The following NAV2 variants were observed in gnomAD, a reference collection of about 807,000 sequenced individuals.
NAV2 encodes the protein helicase, APC down-regulated 1.
A neutral mutation model predicts 223.2 loss-of-function variants in NAV2; 54 were observed. That is an observed-to-expected ratio of 0.24 (90% confidence interval 0.19 to 0.30). The LOEUF is 0.30. NAV2 is among the 10% of genes least tolerant of loss of function. The probability of loss-of-function intolerance (pLI) is 1.00; values close to 1 mark genes in which losing one functional copy is unlikely to be tolerated. For synonymous variants in NAV2, 1,279 were observed against 1,239.3 expected, an observed-to-expected ratio of 1.03 and a Z score of -0.67; for missense variants, 2,806 against 3,147.5, an observed-to-expected ratio of 0.89 and a Z score of 2.60.
intron 1 of NAV2, among the ~76,000 whole-genome samples, chr11:19,491,999 G>T (rs191735524): frequency 6.6e-6 from 1 of 151,910 alleles, no homozygotes; most frequent in Non-Finnish European, 1.5e-5. Flanking sequence ...GAGAGATGGG[G>T]AAAGAGCCAT....
At chr11:19,458,775 G>A (rs1852048717) in intron 1 of NAV2, among the ~76,000 whole-genome samples, 1 of 152,224 alleles carries the variant, frequency 6.6e-6, no homozygotes, top group South Asian at 2.1e-4. Flanking sequence ...GCTAGCATGG[G>A]GTGCCCCTTG....
chr11:19,408,932 T>C (rs923168792), intron 1 of NAV2, among the ~76,000 whole-genome samples: 3 of 147,772 alleles, frequency 2.0e-5, no homozygotes, highest in Admixed American at 6.7e-5. Flanking sequence ...GAGAAGTGGA[T>C]AGAGTTCCCT....
chr11:19,946,347 T>C (rs920735177), intron 8 of NAV2, 54 bp from the exon 9 acceptor site: 4 of 1,506,826 alleles, frequency 2.7e-6, no homozygotes, highest in African/African-American at 2.8e-5. Context: ...GCTGCCCTTA[T>C]GAAGCTCATG....
chr11:19,634,917 G>T (rs1358196217), intron 1 of NAV2, among the ~76,000 whole-genome samples: 1 of 152,196 alleles, frequency 6.6e-6, no homozygotes, highest in African/African-American at 2.4e-5. Flanking sequence ...AGTATAGCTT[G>T]CAAAGACCTA....
Position 19,539,882 on chromosome 11 carries a change from G to A in NAV2, c.75+188855G>A, listed in dbSNP as rs568453673. On this transcript the variant is annotated intron_variant, in intron 1 of 37. Coordinates refer to the NAV2 transcript ENST00000360655. Reference sequence around the variant, plus strand: ...TCAGCTGATAATCAAACGAATGGCTGCATTGAGATAGGTCGTGGAGGGGGA... The same window carrying A: ...TCAGCTGATAATCAAACGAATGGCTACATTGAGATAGGTCGTGGAGGGGGA... 3.3e-5 allele frequency among the ~76,000 whole-genome samples: 5 copies of A among 152,306 alleles called. No individual in the cohort carries two copies. The East Asian group carries it at 9.6e-4, about 29-fold the overall frequency.
upstream of NAV2, chr11:19,712,222 G>C (rs1486195876): frequency 1.3e-5 from 2 of 152,336 alleles, no homozygotes; most frequent in Non-Finnish European, 2.9e-5. Flanking sequence ...GTCTGTGGTA[G>C]GTTGCGTGGA....
chr11:19,895,956 G>A (rs1022928862), intron 6 of NAV2, among the ~76,000 whole-genome samples: 2 of 152,036 alleles, frequency 1.3e-5, no homozygotes, highest in Non-Finnish European at 2.9e-5. Context: ...TCTGTCTCGG[G>A]GAGGGACGCT....
intron 11 of NAV2, among the ~76,000 whole-genome samples, chr11:20,008,288 G>A (rs1183558578): frequency 6.6e-6 from 1 of 152,030 alleles, no homozygotes; most frequent in Non-Finnish European, 1.5e-5. Flanking sequence ...AATCCATGAG[G>A]CCGAGGTTGC....
chr11:19,346,665 A>G (rs1305879546), upstream of NAV2, among the ~76,000 whole-genome samples: 1 of 152,218 alleles, frequency 6.6e-6, no homozygotes, highest in Non-Finnish European at 1.5e-5. Flanking sequence ...CGCAGTGCAC[A>G]GATAAAGGCG....
At chr11:19,708,035 C>T (rs2049724638), upstream of NAV2, among the ~76,000 whole-genome samples, 1 of 152,314 alleles carries the variant, frequency 6.6e-6, no homozygotes, top group Non-Finnish European at 1.5e-5. Context: ...CTAGCTTCTG[C>T]AGGTAGGGGA....
At chr11:19,985,232 A>G (rs4757876) in intron 11 of NAV2, among the ~76,000 whole-genome samples, 87,443 of 152,092 alleles carry the variant, frequency 0.57, 26,314 homozygotes, top group Middle Eastern at 0.71. Flanking sequence ...GAGAAATAGG[A>G]CAGCACACCA....
chr11:19,645,825 G>T (rs1166302629), intron 1 of NAV2, among the ~76,000 whole-genome samples: 1 of 152,128 alleles, frequency 6.6e-6, no homozygotes, highest in Non-Finnish European at 1.5e-5. Flanking sequence ...CACAACGCTG[G>T]TTGGATGAGG....
chr11:19,961,150 A>G (rs936270431), intron 10 of NAV2, among the ~76,000 whole-genome samples: 1 of 151,678 alleles, frequency 6.6e-6, no homozygotes, highest in Non-Finnish European at 1.5e-5. Flanking sequence ...GGGTATCACT[A>G]GGTTGCCCAG....
intron 1 of NAV2, among the ~76,000 whole-genome samples, chr11:19,444,578 C>T (rs1395524676): frequency 6.6e-6 from 1 of 152,144 alleles, no homozygotes; most frequent in Non-Finnish European, 1.5e-5. Flanking sequence ...ACCTGCTCCT[C>T]CCCTCACTCT....
At chr11:19,537,315 A>G (rs538270895) in intron 1 of NAV2, among the ~76,000 whole-genome samples, 194 of 152,360 alleles carry the variant, frequency 1.3e-3, no homozygotes, top group African/African-American at 4.5e-3. Context: ...TAAACTGCCC[A>G]GTGTGCTAGG....
intron 1 of NAV2, among the ~76,000 whole-genome samples, chr11:19,402,559 CATTT>C (rs1304406920): frequency 5.9e-5 from 9 of 152,008 alleles, no homozygotes; most frequent in Admixed American, 3.3e-4. Context: ...GAAATTTTTT[CATTT>C]ATTTGTTTGC....
At position 20,055,755 on chromosome 11, in the gene NAV2, TC is replaced by T; in HGVS notation, c.4643-12del. ...TGAATGTCTAACCTTTTGATTCTAT[TC>T]CTTTTATTCCAGCGAGTCCCACCAC... On this transcript the variant is annotated splice_polypyrimidine_tract_variant and intron_variant, in intron 18 of 37. Transcript: ENST00000349880. The T allele has an allele frequency of 6.2e-7, 1 of 1,611,056 alleles. No individual in the cohort carries two copies. The highest frequency in any genetic ancestry group is 8.5e-7 in the Non-Finnish European group (1 of 1,177,774).
At chr11:20,069,579 C>T (rs1407931628) in intron 22 of NAV2, among the ~76,000 whole-genome samples, 1 of 152,070 alleles carries the variant, frequency 6.6e-6, no homozygotes, top group Non-Finnish European at 1.5e-5. Flanking sequence ...ACAGCTGTGA[C>T]CAGGTGAAGG....
chr11:20,103,258 T>C lies in NAV2; in HGVS notation c.6421T>C (p.Leu2141=). 6.2e-7 allele frequency: 1 copy of C among 1,612,232 alleles called. No homozygotes were observed. The highest frequency in any genetic ancestry group is 8.5e-7 in the Non-Finnish European group (1 of 1,178,942). ...TCGGCCTTCCTGGCCACCATAGGAA[T>C]TGCGCCAGTACCTGTCCAACCTTGC... is the stretch of plus-strand genomic sequence containing the variant. The part of the protein sequence containing the change: ...FNVDHKSSKE[L]RQYLSNLADQ... The change falls in exon 33 of 38, where the codon TTG becomes CTG. Residue 2141 remains leucine (L), a synonymous_variant. Transcript: ENST00000349880.
Sources: gnomAD v4.1 joint callset for allele counts (sites outside exome capture counted in the v4.1 genomes callset) on GRCh38, gnomAD v4.1.1 for gene constraint, MANE v1.5 for transcripts, NCBI Gene and HGNC (gene_info 2026-07-23, HGNC 2026-07-21) for gene names.